KBTBD12: variants seen among roughly 807,000 people sequenced by gnomAD.
The protein encoded by KBTBD12 is kelch repeat and BTB domain-containing protein 12.
In KBTBD12, 53 loss-of-function variants were observed where a neutral mutation model predicts 58.7. The observed-to-expected ratio is 0.90, with a 90% confidence interval of 0.72 to 1.14. The LOEUF is 1.14. Ranked by LOEUF, KBTBD12 falls within the 50% of genes most tolerant of loss-of-function variation. KBTBD12 has a pLI of 0.00. For synonymous variants in KBTBD12, 236 were observed against 259.8 expected (o/e 0.91, Z 0.88); for missense variants, 704 against 751.3 (o/e 0.94, Z 0.74).
chr3:127,949,142 G>C (rs1408749503), intron 4 of KBTBD12, among the ~76,000 whole-genome samples: 1 of 152,174 alleles, frequency 6.6e-6, no homozygotes, highest in East Asian at 1.9e-4. Flanking sequence ...ACTTACAGAG[G>C]CCTATACAAA....
At chr3:127,932,227 G>A (rs772143693) in intron 4 of KBTBD12, among the ~76,000 whole-genome samples, 4 of 152,028 alleles carry the variant, frequency 2.6e-5, no homozygotes, top group Non-Finnish European at 5.9e-5. Flanking sequence ...GCCCAAAAGG[G>A]TCATCTTCCT....
chr3:127,971,895 C>T (rs1402550458), intron 5 of KBTBD12, among the ~76,000 whole-genome samples: 1 of 152,232 alleles, frequency 6.6e-6, no homozygotes, highest in African/African-American at 2.4e-5. Flanking sequence ...TGGAAATGCT[C>T]TCTACCTCCT....
intron 4 of KBTBD12, among the ~76,000 whole-genome samples, chr3:127,934,251 T>C (rs1939773589): frequency 6.6e-6 from 1 of 152,138 alleles, no homozygotes; most frequent in African/African-American, 2.4e-5. Context: ...TGATAAAGAA[T>C]AGAAATTATC....
intron 4 of KBTBD12, among the ~76,000 whole-genome samples, chr3:127,945,678 C>CT (rs36060646): frequency 0.015 from 1,854 of 127,112 alleles, 30 homozygotes; most frequent in Middle Eastern, 0.038. Flanking sequence ...CTTATTTTCA[C>CT]TTTTTTTTTT....
At chr3:127,922,525 C>A (rs16839044) in intron 1 of KBTBD12, among the ~76,000 whole-genome samples, 8,575 of 152,172 alleles carry the variant, frequency 0.056, 274 homozygotes, top group East Asian at 0.097. Context: ...ACTATTATAA[C>A]AGTTCGGTGT....
chr3:127,955,262 A>C (rs1940296150), intron 4 of KBTBD12, among the ~76,000 whole-genome samples: 1 of 152,216 alleles, frequency 6.6e-6, no homozygotes, highest in Non-Finnish European at 1.5e-5. Flanking sequence ...AATGTCCCAA[A>C]CTATCAATGT....
At chr3:127,972,777 T>C (rs745971201) in intron 5 of KBTBD12, among the ~76,000 whole-genome samples, 14 of 152,206 alleles carry the variant, frequency 9.2e-5, no homozygotes, top group Non-Finnish European at 1.9e-4. Context: ...ACTGGCCAGA[T>C]TCAAAATAAT....
chr3:127,977,231 T>C (rs1388699122), intron 5 of KBTBD12, among the ~76,000 whole-genome samples: 2 of 152,248 alleles, frequency 1.3e-5, no homozygotes, highest in East Asian at 3.8e-4. Flanking sequence ...TTATCTGGTC[T>C]ACCACTGATG....
chr3:127,947,214 TG>T (rs1940103086), intron 4 of KBTBD12, among the ~76,000 whole-genome samples: 1 of 152,230 alleles, frequency 6.6e-6, no homozygotes, highest in South Asian at 2.1e-4. Flanking sequence ...AGGCTCCTGA[TG>T]ATCTCCTCCC....
At chr3:127,929,889 C>T (rs1939661977) in intron 3 of KBTBD12, among the ~76,000 whole-genome samples, 1 of 151,634 alleles carries the variant, frequency 6.6e-6, no homozygotes, top group Non-Finnish European at 1.5e-5. Flanking sequence ...TGTCTCACTG[C>T]TAAGATCACA....
At chr3:127,970,891 C>T (rs1405105908) in intron 5 of KBTBD12, among the ~76,000 whole-genome samples, 1 of 147,436 alleles carries the variant, frequency 6.8e-6, no homozygotes, top group Non-Finnish European at 1.5e-5. Flanking sequence ...TGTGAATATA[C>T]TAAAAAACCA....
Position 127,923,669 on chromosome 3 carries a change from A to G in KBTBD12, c.608A>G (p.Asn203Ser). ...CTGGACTTAGTTCTGAGATGGGTAA[A>G]TCATAACAAAGAATTGCGTACAGTG... is the stretch of plus-strand genomic sequence containing the variant. Reference protein sequence around the residue: ...SILDLVLRWVNHNKELRTVHL... With the variant: ...SILDLVLRWVSHNKELRTVHL... The change falls in exon 2 of 6, where the codon AAT becomes AGT. Residue 203 changes from asparagine to serine, a missense_variant. Physicochemically the swap from Asn to Ser is conservative, Grantham distance 46 (BLOSUM62 1). Coordinates refer to ENST00000405109, the MANE Select transcript of KBTBD12 (RefSeq NM_207335.4). 6.2e-7 allele frequency: 1 copy of G among 1,613,846 alleles called. No individual in the cohort carries two copies. Among genetic ancestry groups the G allele is most frequent in the Non-Finnish European group, 8.5e-7 (1 of 1,179,820 alleles).
chr3:127,936,080 A>G (rs1267424262), intron 4 of KBTBD12, among the ~76,000 whole-genome samples: 1 of 152,140 alleles, frequency 6.6e-6, no homozygotes, highest in South Asian at 2.1e-4. Flanking sequence ...AAAACCTGAG[A>G]TGAGGCTGGG....
intron 2 of KBTBD12, among the ~76,000 whole-genome samples, chr3:127,926,804 G>GT (rs758803623): frequency 2.0e-5 from 3 of 152,022 alleles, no homozygotes; most frequent in Non-Finnish European, 4.4e-5. Context: ...ATGTTTTCCT[G>GT]TTTTTTTGTG....
At chr3:127,940,242 A>G (rs1290030519) in intron 4 of KBTBD12, among the ~76,000 whole-genome samples, 6 of 152,146 alleles carry the variant, frequency 3.9e-5, no homozygotes, top group Admixed American at 3.9e-4. Context: ...GAAAGAGCTC[A>G]ATAACGCCAT....
intron 4 of KBTBD12, among the ~76,000 whole-genome samples, chr3:127,939,944 A>G (rs1292943561): frequency 6.6e-6 from 1 of 152,188 alleles, no homozygotes; most frequent in Non-Finnish European, 1.5e-5. Context: ...TGATCAAAAG[A>G]AAGCTGGGGT....
At chr3:127,981,793 A>G (rs1313286269) in intron 5 of KBTBD12, among the ~76,000 whole-genome samples, 1 of 152,184 alleles carries the variant, frequency 6.6e-6, no homozygotes, top group Non-Finnish European at 1.5e-5. Context: ...TACAAAAATT[A>G]GCTGGGAGTG....
chr3:127,933,444 C>G (rs1156836852), intron 4 of KBTBD12, among the ~76,000 whole-genome samples: 1 of 152,106 alleles, frequency 6.6e-6, no homozygotes, highest in Admixed American at 6.5e-5. Flanking sequence ...CTGGTTGGTA[C>G]AACAGCCCAC....
chr3:127,923,311 G>T lies in KBTBD12; in HGVS notation c.250G>T (p.Val84Leu). 1 of 1,613,760 alleles carries T rather than the reference G, an allele frequency of 6.2e-7. No homozygotes were observed. The highest frequency in any genetic ancestry group is 8.5e-7 in the Non-Finnish European group (1 of 1,179,764). Reference sequence around the variant, plus strand: ...TGACATCACAGCAGAAAGTGTGTCGGTGTTATTAAATTACATGTACAATGC... The same window carrying T: ...TGACATCACAGCAGAAAGTGTGTCGTTGTTATTAAATTACATGTACAATGC... Reference protein sequence around the residue: ...LYDITAESVSVLLNYMYNAAL... With the variant: ...LYDITAESVSLLLNYMYNAAL... The change falls in exon 2 of 6, where the codon GTG becomes TTG. Residue 84 changes from valine (V) to leucine (L), a missense_variant. Physicochemically the swap from Val to Leu is conservative, Grantham distance 32 (BLOSUM62 1). Coordinates refer to ENST00000405109, the MANE Select transcript of KBTBD12 (RefSeq NM_207335.4).
Sources: allele counts gnomAD v4.1 joint callset (sites outside exome capture counted in the v4.1 genomes callset), GRCh38; gene constraint gnomAD v4.1.1; transcripts MANE v1.5; gene names NCBI Gene and HGNC (gene_info 2026-07-23, HGNC 2026-07-21).